Variants in NYAP2 observed in about 807,000 individuals in gnomAD.
NYAP2 encodes the protein neuronal tyrosine-phosphorylated phosphoinositide-3-kinase adaptor 2.
A neutral mutation model predicts 50.4 loss-of-function variants in NYAP2; 23 were observed. That is an observed-to-expected ratio of 0.46 (90% CI 0.33 to 0.65). NYAP2 has a LOEUF of 0.65. Ranked by LOEUF, NYAP2 falls within the 30% of genes least tolerant of loss-of-function variation. The pLI is 0.02. For synonymous variants in NYAP2, 394 were observed against 365.2 expected, an observed-to-expected ratio of 1.08 and a Z score of -0.90; for missense variants, 885 against 861.0, an observed-to-expected ratio of 1.03 and a Z score of -0.35.
chr2:225,518,274 G>T (rs1246487080), intron 4 of NYAP2, among the ~76,000 whole-genome samples: 4 of 151,638 alleles, frequency 2.6e-5, no homozygotes, highest in Non-Finnish European at 4.4e-5. Context: ...GACAGATACT[G>T]CTTGATCTTA....
At chr2:225,609,101 T>A (rs2106246226) in intron 5 of NYAP2, among the ~76,000 whole-genome samples, 1 of 152,280 alleles carries the variant, frequency 6.6e-6, no homozygotes, top group Non-Finnish European at 1.5e-5. Flanking sequence ...CCAGTCCCTG[T>A]AAGATATGTC....
chr2:225,564,954 A>G (rs1387896352), intron 4 of NYAP2, among the ~76,000 whole-genome samples: 1 of 152,010 alleles, frequency 6.6e-6, no homozygotes, highest in African/African-American at 2.4e-5. Flanking sequence ...ACATGGTGAA[A>G]CCCCATCTCT....
intron 4 of NYAP2, among the ~76,000 whole-genome samples, chr2:225,525,535 C>T (rs1306774276): frequency 6.6e-6 from 1 of 152,032 alleles, no homozygotes; most frequent in Non-Finnish European, 1.5e-5. Flanking sequence ...AGTCATATAC[C>T]TCATGTTCTC....
chr2:225,555,653 A>T (rs1691763432), intron 4 of NYAP2, among the ~76,000 whole-genome samples: 9 of 152,180 alleles, frequency 5.9e-5, no homozygotes. Context: ...GCTTTCCTGA[A>T]CACACAGAAG....
chr2:225,589,388 G>A (rs113578417), intron 5 of NYAP2, among the ~76,000 whole-genome samples: 2 of 150,878 alleles, frequency 1.3e-5, no homozygotes, highest in Non-Finnish European at 2.9e-5. Flanking sequence ...TACATTTTGA[G>A]GTTGGATGTG....
At chr2:225,560,801 G>T (rs1026930648) in intron 4 of NYAP2, among the ~76,000 whole-genome samples, 5 of 151,950 alleles carry the variant, frequency 3.3e-5, no homozygotes, top group African/African-American at 1.2e-4. Context: ...ATCCAAGTTG[G>T]TTTTTGTTTA....
In NYAP2 at chr2:225,518,554, ATATATATATAT is replaced by A. The variant is rs1559202495; in HGVS notation, c.523+4883_523+4893del. ...TATATATATATATATATATATATAT[ATATATATATAT>A]ATATTAGCGTGTGCGCTTATATATA... On this transcript the variant is annotated intron_variant, in intron 4 of 6. Coordinates refer to ENST00000636099, the Ensembl canonical transcript of NYAP2. 5.9e-3 allele frequency among the ~76,000 whole-genome samples: 444 copies of A among 75,514 alleles called. 47 individuals are homozygous for A. Among genetic ancestry groups the A allele is most frequent in the African/African-American group, 0.022 (417 of 19,102 alleles). The allele number at this position is 75,514 out of a possible 152,430, so 49.5% of individuals were successfully genotyped here.
intron 6 of NYAP2, among the ~76,000 whole-genome samples, chr2:225,640,368 A>G (rs1693505935): frequency 6.6e-6 from 1 of 152,122 alleles, no homozygotes; most frequent in African/African-American, 2.4e-5. Flanking sequence ...AATCAGCAAC[A>G]TTATGTATGC....
intron 3 of NYAP2, among the ~76,000 whole-genome samples, chr2:225,492,354 G>C (rs1454562422): frequency 2.0e-5 from 3 of 152,130 alleles, no homozygotes; most frequent in Non-Finnish European, 4.4e-5. Context: ...GCATAACTCT[G>C]GGGATAGGTA....
At chr2:225,440,110 T>C (rs1166427064) in intron 3 of NYAP2, among the ~76,000 whole-genome samples, 2 of 152,180 alleles carry the variant, frequency 1.3e-5, no homozygotes, top group African/African-American at 4.8e-5. Flanking sequence ...CACGTGGGGA[T>C]TATGGGAATC....
intron 4 of NYAP2, among the ~76,000 whole-genome samples, chr2:225,526,372 T>C (rs544389980): frequency 3.9e-5 from 6 of 152,326 alleles, no homozygotes; most frequent in African/African-American, 1.2e-4. Flanking sequence ...TCCCCTGTCA[T>C]TGCTGGGCTG....
chr2:225,611,666 T>C (rs1351045901), intron 5 of NYAP2, among the ~76,000 whole-genome samples: 1 of 152,098 alleles, frequency 6.6e-6, no homozygotes, highest in Admixed American at 6.6e-5. Flanking sequence ...TTATCAGAGC[T>C]CTAATTCCAT....
At chr2:225,522,724 T>C (rs1159490494) in intron 4 of NYAP2, among the ~76,000 whole-genome samples, 1 of 152,156 alleles carries the variant, frequency 6.6e-6, no homozygotes, top group East Asian at 1.9e-4. Context: ...CAGTTTTGGT[T>C]CTACTTCACC....
chr2:225,614,107 A>C (rs1052012636), intron 5 of NYAP2, among the ~76,000 whole-genome samples: 44 of 152,176 alleles, frequency 2.9e-4, no homozygotes, highest in African/African-American at 8.4e-4. Flanking sequence ...GTTTCCTCAG[A>C]TTCCCAAAGA....
chr2:225,570,758 G>A (rs1692055095), intron 4 of NYAP2, among the ~76,000 whole-genome samples: 1 of 152,122 alleles, frequency 6.6e-6, no homozygotes, highest in South Asian at 2.1e-4. Context: ...CAAATCTCAT[G>A]TCCTCACATT....
rs76493913 is a variant in NYAP2, at chr2:225,429,713, G to T, written c.221+20612G>T. On this transcript the variant is annotated intron_variant, in intron 3 of 6. Coordinates refer to ENST00000636099, the Ensembl canonical transcript of NYAP2. ...AGCACATATGTTTGCAGAATCTAGG[G>T]TAAGCCCATGCGTAAGTGCTGAATA... 1.1e-4 allele frequency among the ~76,000 whole-genome samples: 16 copies of T among 152,304 alleles called. No individual in the cohort carries two copies. In the East Asian group the frequency reaches 3.1e-3, roughly 29 times the overall value.
chr2:225,563,156 T>C (rs73089046), intron 4 of NYAP2, among the ~76,000 whole-genome samples: 4,178 of 152,218 alleles, frequency 0.027, 181 homozygotes, highest in African/African-American at 0.093. Flanking sequence ...ACACAGTCTC[T>C]CTATCTAAAG....
At chr2:225,551,898 C>T (rs962756105) in intron 4 of NYAP2, among the ~76,000 whole-genome samples, 6 of 152,096 alleles carry the variant, frequency 3.9e-5, no homozygotes, top group East Asian at 3.9e-4. Flanking sequence ...CTGCAACCTC[C>T]GCCTCCCGGG....
intron 4 of NYAP2, 88 bp from the exon 5 acceptor site, chr2:225,581,853 A>C: frequency 7.6e-7 from 1 of 1,319,348 alleles, no homozygotes. Context: ...TCTGGCCTAA[A>C]GTTTATTGTA....
Sources: gnomAD v4.1 joint callset for allele counts (sites outside exome capture counted in the v4.1 genomes callset) on GRCh38, gnomAD v4.1.1 for gene constraint, MANE v1.5 for transcripts, NCBI Gene and HGNC (gene_info 2026-07-23, HGNC 2026-07-21) for gene names.